FAM193A: variants seen among roughly 807,000 people sequenced by gnomAD.
FAM193A encodes the protein protein FAM193A.
FAM193A carries 22 observed loss-of-function variants against 126.5 expected under a neutral mutation model. The observed-to-expected ratio is 0.17, with a 90% CI of 0.12 to 0.25. The LOEUF is 0.25. FAM193A is among the 10% of genes least tolerant of loss of function. The probability of loss-of-function intolerance (pLI) is 1.00; values close to 1 mark genes in which losing one functional copy is unlikely to be tolerated. For synonymous variants in FAM193A, 761 were observed against 646.8 expected, an observed-to-expected ratio of 1.18 and a Z score of -2.68; for missense variants, 1,675 against 1,672.8, an observed-to-expected ratio of 1.00 and a Z score of -0.02.
intron 1 of FAM193A, among the ~76,000 whole-genome samples, chr4:2,584,029 G>T (rs1307681474): frequency 2.6e-5 from 4 of 152,048 alleles, no homozygotes. Flanking sequence ...AGAGATCTTT[G>T]TCTACTCCAA....
chr4:2,653,126 A>G (rs903452398), intron 7 of FAM193A, among the ~76,000 whole-genome samples: 34 of 152,254 alleles, frequency 2.2e-4, no homozygotes, highest in African/African-American at 7.7e-4. Flanking sequence ...CATTTCTCCA[A>G]TTGAACTGTA....
chr4:2,698,053 A>AC (rs1717241049), intron 18 of FAM193A, among the ~76,000 whole-genome samples: 2 of 152,202 alleles, frequency 1.3e-5, no homozygotes, highest in South Asian at 4.1e-4. Context: ...TCCCACCTCG[A>AC]GGGACCACCT....
chr4:2,671,184 A>G (rs568963486), intron 12 of FAM193A, among the ~76,000 whole-genome samples: 6 of 152,310 alleles, frequency 3.9e-5, no homozygotes, highest in South Asian at 4.1e-4. Context: ...TCCTCAGTGC[A>G]TGCACTGTGC....
chr4:2,623,489 C>T (rs999144516), intron 2 of FAM193A, among the ~76,000 whole-genome samples: 3 of 152,212 alleles, frequency 2.0e-5, no homozygotes, highest in African/African-American at 4.8e-5. Flanking sequence ...CTGTCTTAAT[C>T]CTCTGCCCAC....
At chr4:2,613,120 T>TA (rs1045408756) in intron 2 of FAM193A, among the ~76,000 whole-genome samples, 1 of 152,140 alleles carries the variant, frequency 6.6e-6, no homozygotes, top group African/African-American at 2.4e-5. Flanking sequence ...GTCAGTATAT[T>TA]AAAAACTTTA....
rs887388518 is a variant in FAM193A, at chr4:2,672,364, C to A, written c.2323C>A (p.His775Asn). ...PTLYATPPFTHSKALPPAPVQ... is the reference protein window; with the variant it reads ...PTLYATPPFTNSKALPPAPVQ... Reference sequence around the variant, plus strand: ...CTTGTATGCAACGCCCCCCTTCACACACAGTAAGGTAAGTCAGGGCAAAAA... The same window carrying A: ...CTTGTATGCAACGCCCCCCTTCACAAACAGTAAGGTAAGTCAGGGCAAAAA... Residue 775 changes from histidine (H) to asparagine (N), a missense_variant, in exon 13 of 21, where the codon CAC (histidine) becomes AAC (asparagine). This residue lies in a region of FAM193A where 1,186 missense variants were observed against 1,109.2 expected (regional missense o/e 1.07). Coordinates refer to ENST00000637812, the MANE Select transcript of FAM193A (RefSeq NM_001366318.2). 6.2e-7 allele frequency: 1 copy of A among 1,614,050 alleles called. No homozygotes were observed. Among genetic ancestry groups the A allele is most frequent in the Non-Finnish European group, 8.5e-7 (1 of 1,180,026 alleles).
intron 1 of FAM193A, among the ~76,000 whole-genome samples, chr4:2,587,776 A>T (rs1306646264): frequency 6.6e-6 from 1 of 152,222 alleles, no homozygotes; most frequent in East Asian, 1.9e-4. Flanking sequence ...ACTGAAAAGG[A>T]AGGAAAAGAT....
At chr4:2,599,040 C>T (rs1479587172) in intron 2 of FAM193A, among the ~76,000 whole-genome samples, 2 of 152,112 alleles carry the variant, frequency 1.3e-5, no homozygotes, top group African/African-American at 2.4e-5. Context: ...GTGGCACACG[C>T]CTTTCTCCAG....
chr4:2,709,667 C>A (rs890709983), intron 19 of FAM193A, among the ~76,000 whole-genome samples: 5 of 148,014 alleles, frequency 3.4e-5, no homozygotes, highest in African/African-American at 1.3e-4. Context: ...CGAGAACACG[C>A]CACTGCACTC....
At chr4:2,559,113 C>G (rs147052431) in intron 1 of FAM193A, among the ~76,000 whole-genome samples, 14 of 152,304 alleles carry the variant, frequency 9.2e-5, no homozygotes, top group African/African-American at 2.2e-4. Flanking sequence ...CAATTAAATA[C>G]CGCTGCACAA....
chr4:2,700,123 G>C lies in FAM193A; in HGVS notation c.3951G>C (p.Gln1317His). Residue 1317 changes from glutamine (Q) to histidine (H), a missense_variant, in exon 19 of 21, where the codon CAG becomes CAC. Gln to His is a conservative substitution (Grantham distance 24). Around this residue, in one of 4 missense-constraint regions of FAM193A, gnomAD observed 415 missense variants for 396.7 expected, o/e 1.05. Transcript: ENST00000637812. ...TCCCCAAGGAGGTGAATGGGAAGCA[G>C]CATGAGCCACTCTCTTTTTTCTTCG... ...FLLPKEVNGK[Q>H]HEPLSFFFDI... is the part of the protein sequence containing the mutation. 1 of 1,613,776 alleles carries C rather than the reference G, an allele frequency of 6.2e-7. No individual in the cohort carries two copies. The highest frequency in any genetic ancestry group is 8.5e-7 in the Non-Finnish European group (1 of 1,179,990).
intron 19 of FAM193A, among the ~76,000 whole-genome samples, chr4:2,702,546 A>G (rs1487786868): frequency 6.6e-6 from 1 of 152,124 alleles, no homozygotes; most frequent in Non-Finnish European, 1.5e-5. Flanking sequence ...GCATGTGCAC[A>G]CGAGCGCCTG....
intron 2 of FAM193A, among the ~76,000 whole-genome samples, chr4:2,616,678 G>C (rs2108955316): frequency 6.6e-6 from 1 of 151,686 alleles, no homozygotes; most frequent in African/African-American, 2.4e-5. Flanking sequence ...TCCCACCTCA[G>C]CCTCCCAAGT....
At chr4:2,649,707 A>G (rs774583498) in intron 7 of FAM193A, among the ~76,000 whole-genome samples, 1 of 152,190 alleles carries the variant, frequency 6.6e-6, no homozygotes, top group Non-Finnish European at 1.5e-5. Context: ...GGGACAGTAA[A>G]TAGTCCCTGT....
chr4:2,624,858 G>A (rs1470194592), intron 2 of FAM193A, among the ~76,000 whole-genome samples: 5 of 152,048 alleles, frequency 3.3e-5, no homozygotes, highest in Non-Finnish European at 7.4e-5. Flanking sequence ...TTTCCTTTTT[G>A]TATGTATGTG....
chr4:2,693,672 C>T lies in FAM193A; in HGVS notation c.2890C>T (p.Leu964Phe). ...GAATAGCCCCACGGGCTTGGCCCCC[C>T]TCCCAGCGCTCTCGCCTGCTGCGCT... Reference protein sequence around the residue: ...PRNSPTGLAPLPALSPAALSP... With the variant: ...PRNSPTGLAPFPALSPAALSP... Residue 964 changes from leucine to phenylalanine, a missense_variant, in exon 16 of 21, where the codon CTC (leucine) becomes TTC (phenylalanine). This residue lies in a region of FAM193A where 1,186 missense variants were observed against 1,109.2 expected (regional missense o/e 1.07). Transcript: ENST00000637812. 4 of 1,614,234 alleles carry T rather than the reference C, an allele frequency of 2.5e-6. No individual in the cohort carries two copies. In the South Asian group the frequency reaches 3.3e-5, roughly 13 times the overall value.
intron 13 of FAM193A, among the ~76,000 whole-genome samples, chr4:2,680,950 ACTTT>A (rs906349437): frequency 1.3e-5 from 2 of 152,144 alleles, no homozygotes; most frequent in African/African-American, 4.8e-5. Flanking sequence ...CCCAGCCAGT[ACTTT>A]CTTATAATAC....
chr4:2,564,829 G>A (rs1203290310), intron 1 of FAM193A, among the ~76,000 whole-genome samples: 1 of 151,986 alleles, frequency 6.6e-6, no homozygotes, highest in Non-Finnish European at 1.5e-5. Context: ...TTTTGAGATA[G>A]GGACTCACTC....
intron 2 of FAM193A, among the ~76,000 whole-genome samples, chr4:2,599,855 C>T (rs1409303965): frequency 6.6e-6 from 1 of 151,934 alleles, no homozygotes; most frequent in Non-Finnish European, 1.5e-5. Context: ...CGTGCCTCAG[C>T]CTCCCGAGTA....
Sources: allele counts gnomAD v4.1 joint callset (sites outside exome capture counted in the v4.1 genomes callset), GRCh38; gene constraint gnomAD v4.1.1; regional missense constraint gnomAD v4.1.1; transcripts MANE v1.5; gene names NCBI Gene and HGNC (gene_info 2026-07-23, HGNC 2026-07-21).